Variants in PEPD observed in about 807,000 individuals in gnomAD.
PEPD encodes peptidase D.
A neutral mutation model predicts 60.7 loss-of-function variants in PEPD; 53 were observed. The ratio of observed to expected loss-of-function variants is 0.87; its 90% CI spans 0.70 to 1.10. The LOEUF (loss-of-function observed/expected upper bound fraction) is 1.10, where lower values mean the gene tolerates loss of function less well. Ranked by LOEUF, PEPD falls within the 50% of genes least tolerant of loss-of-function variation. The pLI is 0.00. For missense variants in PEPD, 711 were observed against 711.9 expected, an observed-to-expected ratio of 1.00 and a Z score of 0.01; for synonymous variants, 267 against 284.1, an observed-to-expected ratio of 0.94 and a Z score of 0.60.
At position 33,457,087 on chromosome 19, in the gene PEPD, C is replaced by T. The variant is rs111518497; in HGVS notation, c.671+5908G>A. Among the ~76,000 whole-genome samples the T allele has an allele frequency of 4.7e-5, 7 of 148,426 alleles. 1 individual carries two copies. Among genetic ancestry groups the T allele is most frequent in the East Asian group, 4.0e-4 (2 of 5,060 alleles). ...GGAGGACCATGTGGGCACAGGCATC[C>T]GAGATACAGTTCTTCAGGAGTCGCT... is the stretch of plus-strand genomic sequence containing the variant. On this transcript the variant is annotated intron_variant, in intron 9 of 14. Coordinates refer to ENST00000244137, the MANE Select transcript of PEPD (RefSeq NM_000285.4).
chr19:33,517,600 G>A (rs553700710), intron 1 of PEPD, among the ~76,000 whole-genome samples: 1 of 151,972 alleles, frequency 6.6e-6, no homozygotes, highest in East Asian at 1.9e-4. Context: ...ACCTGATGCC[G>A]AGAATGGTAC....
In PEPD at chr19:33,388,640, T is replaced by C. The variant is rs562283386; in HGVS notation, c.1153-559A>G. The C allele has an allele frequency of 7.6e-5, 16 of 210,776 alleles. No homozygotes were observed. In the South Asian group the frequency reaches 1.2e-3, roughly 16 times the overall value. 13.1% of individuals were successfully genotyped at this position (210,776 alleles called of 1,614,324 possible). On this transcript the variant is annotated intron_variant, in intron 13 of 14. Transcript: ENST00000244137. ...ATCAGGGTGGGTCTGCCAGCCTTAGTGCGCCAGTGCAAATGTGCCGTGTGC... is the reference window on the plus strand; with the variant it reads ...ATCAGGGTGGGTCTGCCAGCCTTAGCGCGCCAGTGCAAATGTGCCGTGTGC...
chr19:33,423,168 T>C lies in PEPD; in HGVS notation c.672-9525A>G, dbSNP rs115526537. ...AGCCTCCCATTAGGCTTGAGCTTTA[T>C]CTTTTTGTTCACTGTAGTATCCCTC... On this transcript the variant is annotated intron_variant, in intron 9 of 14. Coordinates refer to ENST00000244137, the MANE Select transcript of PEPD (RefSeq NM_000285.4). Among the ~76,000 whole-genome samples the C allele has an allele frequency of 2.4e-3, 369 of 152,170 alleles. 3 individuals are homozygous for C. The highest frequency in any genetic ancestry group is 8.6e-3 in the African/African-American group (359 of 41,558).
intron 13 of PEPD, chr19:33,388,359 A>C (rs1449995273): frequency 1.6e-6 from 1 of 617,582 alleles, no homozygotes; most frequent in Non-Finnish European, 3.0e-6. Flanking sequence ...ACCCGGGGCA[A>C]GCTGCCCAGA....
At chr19:33,422,640 A>C (rs1275249802) in intron 9 of PEPD, among the ~76,000 whole-genome samples, 4 of 141,384 alleles carry the variant, frequency 2.8e-5, no homozygotes, top group South Asian at 2.3e-4. Context: ...CTATCTACCT[A>C]CCTCCTACGT....
intron 9 of PEPD, among the ~76,000 whole-genome samples, chr19:33,427,374 T>C (rs1433706236): frequency 6.6e-6 from 1 of 152,180 alleles, no homozygotes; most frequent in Admixed American, 6.5e-5. Context: ...AGGTAGGAGA[T>C]GGGGGAAGTG....
intron 9 of PEPD, among the ~76,000 whole-genome samples, chr19:33,419,027 C>A (rs1357819487): frequency 6.6e-6 from 1 of 152,236 alleles, no homozygotes; most frequent in African/African-American, 2.4e-5. Flanking sequence ...GCTTGCTCTG[C>A]TGCCCGGAGC....
At chr19:33,403,211 A>G (rs911689564) in intron 11 of PEPD, among the ~76,000 whole-genome samples, 2 of 152,186 alleles carry the variant, frequency 1.3e-5, no homozygotes, top group Non-Finnish European at 2.9e-5. Context: ...GCAGACACAG[A>G]GCGGAACCCT....
rs142414464 is a variant in PEPD, at chr19:33,513,211, T to A, written c.18-435A>T. Among the ~76,000 whole-genome samples, 241 of 152,204 alleles carry A rather than the reference T, an allele frequency of 1.6e-3. 4 individuals are homozygous for A. The East Asian group carries it at 0.042, about 27-fold the overall frequency. On this transcript the variant is annotated intron_variant, in intron 1 of 14. Transcript: ENST00000244137. ...CCCCTGGCTCCCGGCTCAACCTCCC[T>A]GCTAGAGGCCAGCTTGGCCCAACCC...
Position 33,442,933 on chromosome 19 carries a change from G to C in PEPD, c.671+20062C>G, listed in dbSNP as rs770359576. Among the ~76,000 whole-genome samples the C allele has an allele frequency of 3.3e-5, 5 of 152,234 alleles. No individual in the cohort carries two copies. The East Asian group carries it at 9.7e-4, about 29-fold the overall frequency. On this transcript the variant is annotated intron_variant, in intron 9 of 14. Coordinates refer to ENST00000244137, the MANE Select transcript of PEPD (RefSeq NM_000285.4). ...CCCCACAGAACTGTGCTCCACGGGG[G>C]CTGGGCCTTTCCTCCACCGCTGCCT...
In PEPD at chr19:33,490,460, C is replaced by T. The variant is rs144359276; in HGVS notation, c.442-403G>A. On this transcript the variant is annotated intron_variant, in intron 5 of 14. Transcript: ENST00000244137. ...CACACACTCCCCACTAACTGTATAACATCCGAAAGAGTCCTGTCGAACCCA... is the reference window on the plus strand; with the variant it reads ...CACACACTCCCCACTAACTGTATAATATCCGAAAGAGTCCTGTCGAACCCA... Among the ~76,000 whole-genome samples, 884 of 152,328 alleles carry T rather than the reference C, an allele frequency of 5.8e-3. 23 individuals carry two copies. The highest frequency in any genetic ancestry group is 0.05 in the Admixed American group (761 of 15,306).
intron 9 of PEPD, among the ~76,000 whole-genome samples, chr19:33,418,011 A>G (rs1172360101): frequency 1.3e-5 from 2 of 152,150 alleles, no homozygotes; most frequent in Non-Finnish European, 2.9e-5. Flanking sequence ...GGCTGGACAG[A>G]GGGGGCCTGT....
chr19:33,401,407 C>T (rs1224811736), intron 12 of PEPD, among the ~76,000 whole-genome samples: 4 of 152,228 alleles, frequency 2.6e-5, no homozygotes, highest in Admixed American at 1.3e-4. Flanking sequence ...GAGTAGACAC[C>T]GCTTAAGGAC....
chr19:33,489,725 G>GCCTGCC, intron 6 of PEPD, among the ~76,000 whole-genome samples: 1 of 152,262 alleles, frequency 6.6e-6, no homozygotes, highest in East Asian at 1.9e-4. Flanking sequence ...ACCCACCTGT[G>GCCTGCC]CCTGCCCCTG....
chr19:33,485,491 T>TAAAAAAAAAAAAAA (rs908651690), intron 6 of PEPD, among the ~76,000 whole-genome samples: 4 of 110,964 alleles, frequency 3.6e-5, no homozygotes, highest in African/African-American at 1.5e-4. Context: ...AGACTCTGTC[T>TAAAAAAAAAAAAAA]AAAAAAAAAA....
chr19:33,521,697 C>A (rs1360246187), intron 1 of PEPD, 47 bp downstream of exon 1: 9 of 1,558,330 alleles, frequency 5.8e-6, no homozygotes, highest in Non-Finnish European at 7.8e-6. Flanking sequence ...GACACCCATG[C>A]CCCTCTCCAC....
chr19:33,424,611 G>A (rs925969989), intron 9 of PEPD, among the ~76,000 whole-genome samples: 6 of 152,292 alleles, frequency 3.9e-5, no homozygotes, highest in South Asian at 2.1e-4. Context: ...AGGATGAGGC[G>A]GGAGGATCGC....
intron 9 of PEPD, among the ~76,000 whole-genome samples, chr19:33,457,642 C>G (rs1227827432): frequency 2.0e-5 from 3 of 152,236 alleles, no homozygotes; most frequent in African/African-American, 7.2e-5. Context: ...TCCCAAGTAG[C>G]TGGGACTACA....
At chr19:33,486,260 C>T (rs932368339) in intron 6 of PEPD, among the ~76,000 whole-genome samples, 1 of 110,018 alleles carries the variant, frequency 9.1e-6, no homozygotes, top group Non-Finnish European at 1.8e-5. Flanking sequence ...CCCAAACCAA[C>T]CCCCCATCAT....
Sources: allele counts gnomAD v4.1 joint callset (sites outside exome capture counted in the v4.1 genomes callset), GRCh38; gene constraint gnomAD v4.1.1; transcripts MANE v1.5; gene names NCBI Gene and HGNC (gene_info 2026-07-23, HGNC 2026-07-21).